The following MAPKBP1 variants were observed in gnomAD, a reference collection of about 807,000 sequenced individuals.
The protein encoded by MAPKBP1 is mitogen-activated protein kinase binding protein 1.
A neutral mutation model predicts 170.5 loss-of-function variants in MAPKBP1; 71 were observed. That is an observed-to-expected ratio of 0.42 (90% confidence interval 0.34 to 0.51). The LOEUF is 0.51. MAPKBP1 is among the 20% of genes least tolerant of loss of function. The probability of loss-of-function intolerance (pLI) is 0.06; values close to 1 mark genes in which losing one functional copy is unlikely to be tolerated. For missense variants in MAPKBP1, 1,598 were observed against 1,933.0 expected, an observed-to-expected ratio of 0.83 and a Z score of 3.25; for synonymous variants, 719 against 757.9, an observed-to-expected ratio of 0.95 and a Z score of 0.84.
intron 21 of MAPKBP1, 83 bp downstream of exon 21, chr15:41,819,462 G>A: frequency 6.3e-7 from 1 of 1,595,174 alleles, no homozygotes; most frequent in Non-Finnish European, 8.5e-7. Context: ...TGTGGGGTGA[G>A]AGCAGTGTGA....
At chr15:41,810,966 A>C (rs540096426) in intron 4 of MAPKBP1, 21 bp downstream of exon 4, 1 of 1,613,968 alleles carries the variant, frequency 6.2e-7, no homozygotes, top group African/African-American at 1.3e-5. Context: ...TGGGGTCCTC[A>C]GGATACCTCT....
intron 3 of MAPKBP1, among the ~76,000 whole-genome samples, chr15:41,807,083 G>C (rs2064710627): frequency 6.6e-6 from 1 of 152,210 alleles, no homozygotes; most frequent in South Asian, 2.1e-4. Flanking sequence ...ACCTCTGTGT[G>C]TTTCCTTTTC....
intron 5 of MAPKBP1, 102 bp downstream of exon 5, chr15:41,811,337 C>A: frequency 7.7e-7 from 1 of 1,292,778 alleles, no homozygotes. Context: ...GCTTCTGAAA[C>A]AGACACCAAA....
intron 20 of MAPKBP1, 114 bp from the exon 21 acceptor site, chr15:41,819,132 C>A (rs1162301656): frequency 4.1e-6 from 6 of 1,446,890 alleles, no homozygotes; most frequent in East Asian, 4.6e-5. Context: ...CTCCTCTCCC[C>A]CTATTGAGTC....
intron 2 of MAPKBP1, among the ~76,000 whole-genome samples, chr15:41,788,684 C>G (rs2064342222): frequency 6.6e-6 from 1 of 152,142 alleles, no homozygotes; most frequent in African/African-American, 2.4e-5. Flanking sequence ...TCCAGATTGA[C>G]AGATGCACAT....
At chr15:41,778,355 GAGA>G (rs1377768788) in intron 2 of MAPKBP1, among the ~76,000 whole-genome samples, 11 of 152,222 alleles carry the variant, frequency 7.2e-5, no homozygotes, top group Non-Finnish European at 1.3e-4. Context: ...GAACATAAGA[GAGA>G]AGAAGTCCAC....
chr15:41,817,775 T>C lies in MAPKBP1; in HGVS notation c.1904+40T>C, dbSNP rs1328196828. On this transcript the variant is annotated intron_variant, in intron 16 of 30. Transcript: ENST00000457542. The surrounding 1 kb of genome is among the most constrained non-coding windows in gnomAD (Gnocchi z 4.2). ...CTCAGACTCTGCCCACATTCCTTCA[T>C]CTCCCTACGGGGTCAGCTCTGTGCA... The C allele has an allele frequency of 1.2e-6, 2 of 1,602,776 alleles. No homozygotes were observed. The highest frequency in any genetic ancestry group is 2.7e-5 in the African/African-American group (2 of 74,668).
chr15:41,774,816 C>T, intron 1 of MAPKBP1: 1 of 402,696 alleles, frequency 2.5e-6, no homozygotes, highest in Middle Eastern at 6.2e-4. Flanking sequence ...GTGTCCAGGC[C>T]TGCGGAAATC....
rs1567135600 is a variant in MAPKBP1 at position 41,786,780 on chromosome 15, ATATAT to A, written c.114+11392_114+11396del. On this transcript the variant is annotated intron_variant, in intron 2 of 30. Transcript: ENST00000457542. ...ACTCCGTCTAAAAAAAAAAAAAAAT[ATATAT>A]ATATATATATATATATATAGGTATA... Among the ~76,000 whole-genome samples the A allele has an allele frequency of 2.0e-3, 133 of 65,664 alleles. 15 individuals are homozygous for A. In the South Asian group the frequency reaches 0.042, roughly 21 times the overall value. The allele number at this position is 65,664 out of a possible 152,430, so 43.1% of individuals were successfully genotyped here.
In MAPKBP1 at chr15:41,817,338, C is replaced by T; in HGVS notation, c.1712-50C>T. On this transcript the variant is annotated intron_variant, in intron 14 of 30. Coordinates refer to ENST00000457542, the MANE Select transcript of MAPKBP1 (RefSeq NM_014994.3). This position sits in a 1 kb window ranked among gnomAD's most constrained non-coding sequence, Gnocchi z 4.2. ...TGGAGGGAAGGTGGGAGGCAGGCTG[C>T]TCCCATGTGGTGAGAACAGTGGGAA... The T allele has an allele frequency of 6.4e-7, 1 of 1,572,984 alleles. No individual in the cohort carries two copies. The highest frequency in any genetic ancestry group is 8.8e-7 in the Non-Finnish European group (1 of 1,142,432).
intron 1 of MAPKBP1, 137 bp from the exon 2 acceptor site, chr15:41,775,030 A>C: frequency 2.2e-6 from 1 of 445,778 alleles, no homozygotes; most frequent in Non-Finnish European, 3.9e-6. Flanking sequence ...TTTCCTTCCG[A>C]CGTTGTAAGA....
chr15:41,822,850 A>T, intron 27 of MAPKBP1, 89 bp from the exon 28 acceptor site: 1 of 1,508,432 alleles, frequency 6.6e-7, no homozygotes, highest in Non-Finnish European at 9.0e-7. Context: ...GTTCTCTCCT[A>T]GTGCCCTGGT....
In MAPKBP1 at chr15:41,817,784, G is replaced by C; in HGVS notation, c.1904+49G>C. 1 of 1,598,460 alleles carries C rather than the reference G, an allele frequency of 6.3e-7. No homozygotes were observed. Among genetic ancestry groups the C allele is most frequent in the Non-Finnish European group, 8.5e-7 (1 of 1,172,320 alleles). ...TGCCCACATTCCTTCATCTCCCTACGGGGTCAGCTCTGTGCAGCTAAGTTC... is the reference window on the plus strand; with the variant it reads ...TGCCCACATTCCTTCATCTCCCTACCGGGTCAGCTCTGTGCAGCTAAGTTC... On this transcript the variant is annotated intron_variant, in intron 16 of 30. Transcript: ENST00000457542. This position sits in a 1 kb window ranked among gnomAD's most constrained non-coding sequence, Gnocchi z 4.2.
intron 2 of MAPKBP1, among the ~76,000 whole-genome samples, chr15:41,778,814 C>G (rs765124445): frequency 6.6e-6 from 1 of 152,122 alleles, no homozygotes; most frequent in Non-Finnish European, 1.5e-5. Flanking sequence ...AGAAATGGAC[C>G]AAAGCCCAGC....
At chr15:41,820,285 A>C (rs1361026777) in intron 22 of MAPKBP1, among the ~76,000 whole-genome samples, 3 of 152,178 alleles carry the variant, frequency 2.0e-5, no homozygotes, top group Admixed American at 2.0e-4. Flanking sequence ...CAGGGGTCTC[A>C]GGCCTGGGCT....
chr15:41,808,202 G>T (rs1433903678), intron 3 of MAPKBP1, among the ~76,000 whole-genome samples: 1 of 148,764 alleles, frequency 6.7e-6, no homozygotes, highest in African/African-American at 2.5e-5. Flanking sequence ...CGCCTCCTGG[G>T]TTCACGCCAT....
intron 3 of MAPKBP1, among the ~76,000 whole-genome samples, chr15:41,806,346 C>T (rs376825722): frequency 6.6e-6 from 1 of 152,186 alleles, no homozygotes; most frequent in African/African-American, 2.4e-5. Context: ...GAGTCATTCT[C>T]AGATTTTACC....
intron 3 of MAPKBP1, among the ~76,000 whole-genome samples, chr15:41,801,891 A>G (rs1396735359): frequency 6.6e-6 from 1 of 152,110 alleles, no homozygotes; most frequent in Non-Finnish European, 1.5e-5. Flanking sequence ...ACCTTTATCA[A>G]TCAAGTACAG....
At position 41,823,269 on chromosome 15, in the gene MAPKBP1, CA is replaced by C. The variant is rs777936749; in HGVS notation, c.3598+48del. 2.5e-6 allele frequency: 4 copies of C among 1,589,528 alleles called. No individual in the cohort carries two copies. In the African/African-American group the frequency reaches 5.4e-5, roughly 21 times the overall value. On this transcript the variant is annotated intron_variant, in intron 28 of 30. Transcript: ENST00000457542. ...GTGCCAGGGTGCAGGGTGTATGGAA[CA>C]CATGTACATGCTGGAGGAGGGAGGG...
Sources: allele counts gnomAD v4.1 joint callset (sites outside exome capture counted in the v4.1 genomes callset), GRCh38; gene constraint gnomAD v4.1.1; non-coding constraint Gnocchi (gnomAD v3.1); transcripts MANE v1.5; gene names NCBI Gene and HGNC (gene_info 2026-07-23, HGNC 2026-07-21).